Variants in CC2D2A observed in about 807,000 individuals in gnomAD.
The protein encoded by CC2D2A is coiled-coil and C2 domain containing 2A.
A neutral mutation model predicts 212.9 loss-of-function variants in CC2D2A; 155 were observed. That is an observed-to-expected ratio of 0.73 (90% CI 0.64 to 0.83). The LOEUF (loss-of-function observed/expected upper bound fraction) is 0.83, where lower values mean the gene tolerates loss of function less well. CC2D2A is among the 40% of genes least tolerant of loss of function. The pLI is 0.00. For missense variants in CC2D2A, 1,856 were observed against 1,956.2 expected, an observed-to-expected ratio of 0.95 and a Z score of 0.97; for synonymous variants, 667 against 686.5, an observed-to-expected ratio of 0.97 and a Z score of 0.44.
At chr4:15,513,294 T>C (rs1304391865) in intron 8 of CC2D2A, among the ~76,000 whole-genome samples, 1 of 152,242 alleles carries the variant, frequency 6.6e-6, no homozygotes, top group Non-Finnish European at 1.5e-5. Flanking sequence ...GTTCCTTTTA[T>C]GACCTAGTCT....
At position 15,520,641 on chromosome 4, in the gene CC2D2A, A is replaced by C. The variant is rs139072399; in HGVS notation, c.1149+3885A>C. On this transcript the variant is annotated intron_variant, in intron 11 of 36. Transcript: ENST00000424120. ...AGAAAGGGATCCAGATATCCCTTGCACTAAGGGTAAAACCAGACGGCAGAA... is the reference window on the plus strand; with the variant it reads ...AGAAAGGGATCCAGATATCCCTTGCCCTAAGGGTAAAACCAGACGGCAGAA... Among the ~76,000 whole-genome samples the C allele has an allele frequency of 2.0e-3, 301 of 152,368 alleles. 5 individuals carry two copies. Among genetic ancestry groups the C allele is most frequent in the Non-Finnish European group, 8.7e-4 (59 of 68,032 alleles).
intron 33 of CC2D2A, among the ~76,000 whole-genome samples, chr4:15,595,002 G>A (rs1051802414): frequency 4.6e-5 from 7 of 150,886 alleles, no homozygotes; most frequent in African/African-American, 1.5e-4. Context: ...TTTAAGAGAT[G>A]GGGGGTCTCA....
intron 4 of CC2D2A, among the ~76,000 whole-genome samples, chr4:15,486,541 G>A (rs373860509): frequency 4.6e-5 from 7 of 151,864 alleles, no homozygotes; most frequent in African/African-American, 1.7e-4. Flanking sequence ...ATTTCTGTGG[G>A]TCTTCTCTTT....
chr4:15,507,014 G>C (rs905679931), intron 6 of CC2D2A, among the ~76,000 whole-genome samples: 3 of 151,132 alleles, frequency 2.0e-5, no homozygotes, highest in African/African-American at 7.3e-5. Flanking sequence ...GGAGGCAGAG[G>C]TTGTAGTGAG....
intron 34 of CC2D2A, 60 bp downstream of exon 34, chr4:15,596,267 G>A: frequency 7.1e-7 from 1 of 1,401,404 alleles, no homozygotes; most frequent in Non-Finnish European, 9.4e-7. Context: ...AATTATACTG[G>A]GTTACAAGAT....
At chr4:15,536,479 T>A (rs946519663) in intron 14 of CC2D2A, among the ~76,000 whole-genome samples, 9 of 152,300 alleles carry the variant, frequency 5.9e-5, no homozygotes, top group East Asian at 5.8e-4. Flanking sequence ...AAAATTAAAA[T>A]TTTTTAAAAA....
intron 11 of CC2D2A, among the ~76,000 whole-genome samples, chr4:15,522,461 G>C (rs1717265741): frequency 6.6e-6 from 1 of 151,308 alleles, no homozygotes; most frequent in Non-Finnish European, 1.5e-5. Flanking sequence ...GAGAATTTAA[G>C]AGTTTTATTT....
intron 17 of CC2D2A, among the ~76,000 whole-genome samples, chr4:15,544,734 A>C (rs1468152462): frequency 1.3e-5 from 2 of 152,194 alleles, no homozygotes; most frequent in African/African-American, 4.8e-5. Context: ...TTTATTTCAC[A>C]TATATTCTAA....
At chr4:15,527,748 G>A (rs1405416193) in intron 12 of CC2D2A, 92 bp downstream of exon 12, 1 of 917,476 alleles carries the variant, frequency 1.1e-6, no homozygotes, top group East Asian at 2.6e-5. Context: ...AAATGTTCAT[G>A]CCCCTCTTTC....
intron 12 of CC2D2A, 65 bp downstream of exon 12, chr4:15,527,721 G>A: frequency 7.8e-7 from 1 of 1,286,948 alleles, no homozygotes; most frequent in East Asian, 2.5e-5. Flanking sequence ...CCCAAACAAT[G>A]AAAATTTCTA....
intron 33 of CC2D2A, among the ~76,000 whole-genome samples, chr4:15,590,950 A>G (rs1192464471): frequency 1.4e-4 from 21 of 151,928 alleles, no homozygotes; most frequent in Admixed American, 1.4e-3. Flanking sequence ...CTCATCTCCA[A>G]CTCCTGGCCT....
chr4:15,596,186 T>TC lies in CC2D2A; in HGVS notation c.4418dup (p.Gly1474TrpfsTer8), dbSNP rs1194680232. ...CTTTCTTTTCAAGAAGCCTTCCATA[T>TC]CCTGGCCTTTCCAGTGTTCAGGTAT... is the stretch of plus-strand genomic sequence containing the variant. On this transcript the variant is annotated frameshift_variant, in exon 34 of 37. Transcript: ENST00000424120. LOFTEE classifies it high-confidence loss of function. The TC allele has an allele frequency of 1.3e-6, 2 of 1,543,468 alleles. No homozygotes were observed. Among genetic ancestry groups the TC allele is most frequent in the African/African-American group, 2.8e-5 (2 of 72,636 alleles).
chr4:15,476,109 C>T (rs1056054438), intron 2 of CC2D2A, 138 bp downstream of exon 2: 3 of 721,060 alleles, frequency 4.2e-6, no homozygotes, highest in Non-Finnish European at 6.9e-6. Flanking sequence ...GAATTAGATT[C>T]AACAGAGTCT....
At chr4:15,484,866 G>A (rs948337909) in intron 4 of CC2D2A, among the ~76,000 whole-genome samples, 1 of 152,100 alleles carries the variant, frequency 6.6e-6, no homozygotes, top group Non-Finnish European at 1.5e-5. Flanking sequence ...GTTGGGGAGA[G>A]GTGGAGAGTG....
At chr4:15,541,671 A>G (rs536105722) in intron 17 of CC2D2A, among the ~76,000 whole-genome samples, 1 of 152,282 alleles carries the variant, frequency 6.6e-6, no homozygotes, top group Admixed American at 6.5e-5. Context: ...GTGTAATATA[A>G]CAGAGAAATC....
At chr4:15,503,494 A>G (rs1052761921) in intron 6 of CC2D2A, among the ~76,000 whole-genome samples, 1 of 152,308 alleles carries the variant, frequency 6.6e-6, no homozygotes, top group East Asian at 1.9e-4. Context: ...CAGAGCATAC[A>G]TGTGGAAGAG....
intron 23 of CC2D2A, 38 bp from the exon 24 acceptor site, chr4:15,563,317 T>C (rs1479572807): frequency 1.9e-6 from 3 of 1,541,520 alleles, no homozygotes; most frequent in Admixed American, 4.1e-5. Context: ...CAGACCTTTC[T>C]TTTTCTTAGA....
rs766004815 is a variant in CC2D2A, at chr4:15,599,694, G to A, written c.4662G>A (p.Leu1554=). 3.7e-6 allele frequency: 6 copies of A among 1,607,114 alleles called. No individual in the cohort carries two copies. The highest frequency in any genetic ancestry group is 1.7e-5 in the Admixed American group (1 of 59,662). ...ACAGAGCAGAACTGCTAAAACAGCT[G>A]GGAGACTACAGGGTAAGTTACAAAT... ...DDHRAELLKQ[L]GDYRFSGFPL... Residue 1554 remains leucine (L), a synonymous_variant, in exon 36 of 37, where the codon CTG becomes CTA. Coordinates refer to ENST00000424120, the MANE Select transcript of CC2D2A (RefSeq NM_001378615.1).
intron 18 of CC2D2A, 71 bp downstream of exon 18, chr4:15,551,051 A>G (rs1353364364): frequency 2.5e-5 from 30 of 1,184,652 alleles, no homozygotes; most frequent in Non-Finnish European, 1.2e-6. Context: ...TATCTATTTC[A>G]CTTCCCAGAC....
Sources: allele counts gnomAD v4.1 joint callset (sites outside exome capture counted in the v4.1 genomes callset), GRCh38; gene constraint gnomAD v4.1.1; transcripts MANE v1.5; gene names NCBI Gene and HGNC (gene_info 2026-07-23, HGNC 2026-07-21).